TCF7L1: variants seen among roughly 807,000 people sequenced by gnomAD.
TCF7L1 encodes the protein transcription factor 7 like 1.
A neutral mutation model predicts 63.7 loss-of-function variants in TCF7L1; 18 were observed. That is an observed-to-expected ratio of 0.28 (90% CI 0.20 to 0.42). The LOEUF (loss-of-function observed/expected upper bound fraction) is 0.42, where lower values mean the gene tolerates loss of function less well. Among genes scored for constraint, TCF7L1 ranks in the 10% least tolerant of loss-of-function variants. The pLI, the probability that TCF7L1 is intolerant of heterozygous loss-of-function variation, is 1.00. For missense variants in TCF7L1, 654 were observed against 779.3 expected, an observed-to-expected ratio of 0.84 and a Z score of 1.91; for synonymous variants, 355 against 340.9, an observed-to-expected ratio of 1.04 and a Z score of -0.46.
chr2:85,290,766 G>T (rs776853722), intron 4 of TCF7L1, among the ~76,000 whole-genome samples: 2 of 152,228 alleles, frequency 1.3e-5, no homozygotes, highest in East Asian at 3.8e-4. Context: ...TAAGCTGGCA[G>T]GCTGGAGACT....
chr2:85,223,240 C>A (rs1429482455), intron 3 of TCF7L1, among the ~76,000 whole-genome samples: 1 of 152,168 alleles, frequency 6.6e-6, no homozygotes, highest in Non-Finnish European at 1.5e-5. Flanking sequence ...TGCCATCACG[C>A]CCTGCTAATT....
At chr2:85,185,164 G>A (rs1023703844) in intron 3 of TCF7L1, among the ~76,000 whole-genome samples, 1 of 152,166 alleles carries the variant, frequency 6.6e-6, no homozygotes, top group African/African-American at 2.4e-5. Flanking sequence ...CTTCAGGAGA[G>A]TGTGCCCTAG....
At chr2:85,239,972 A>G (rs74508794) in intron 3 of TCF7L1, among the ~76,000 whole-genome samples, 1 of 151,692 alleles carries the variant, frequency 6.6e-6, no homozygotes, top group Non-Finnish European at 1.5e-5. Context: ...CAAAAAAAAA[A>G]CAAGAATGAA....
chr2:85,237,986 G>A (rs1462842676), intron 3 of TCF7L1, among the ~76,000 whole-genome samples: 1 of 152,148 alleles, frequency 6.6e-6, no homozygotes, highest in Admixed American at 6.5e-5. Flanking sequence ...CCAACAGGTG[G>A]TGGCATTCCA....
chr2:85,213,711 T>C (rs1168080756), intron 3 of TCF7L1: 1 of 152,118 alleles, frequency 6.6e-6, no homozygotes, highest in Admixed American at 6.5e-5. Flanking sequence ...GTACTGCGCT[T>C]TTGGGTGAGG....
intron 3 of TCF7L1, among the ~76,000 whole-genome samples, chr2:85,172,990 G>T (rs567242722): frequency 1.3e-5 from 2 of 152,294 alleles, no homozygotes; most frequent in Admixed American, 6.5e-5. Context: ...CCCAGCACCC[G>T]GACAGTGTCA....
intron 3 of TCF7L1, among the ~76,000 whole-genome samples, chr2:85,245,776 C>T (rs1680448902): frequency 6.6e-6 from 1 of 151,428 alleles, no homozygotes; most frequent in Non-Finnish European, 1.5e-5. Flanking sequence ...GATCGCACCA[C>T]TGCATTCCGG....
rs1397392135 is a variant in TCF7L1 at position 85,134,582 on chromosome 2, A to C, written c.441+132A>C. On this transcript the variant is annotated intron_variant, in intron 3 of 11. Transcript: ENST00000282111. This position sits in a 1 kb window ranked among gnomAD's most constrained non-coding sequence, Gnocchi z 5.0. Reference sequence around the variant, plus strand: ...AAGCAGAACTTGTTTGCGGAGTTGAACTACTCTCTGGCGGCCGAGCGCGAG... The same window carrying C: ...AAGCAGAACTTGTTTGCGGAGTTGACCTACTCTCTGGCGGCCGAGCGCGAG... 3 of 1,302,180 alleles carry C rather than the reference A, an allele frequency of 2.3e-6. No homozygotes were observed. Among genetic ancestry groups the C allele is most frequent in the Non-Finnish European group, 3.1e-6 (3 of 975,764 alleles). 80.7% of individuals were successfully genotyped at this position (1,302,180 alleles called of 1,614,324 possible).
At chr2:85,240,323 G>C (rs1680294520) in intron 3 of TCF7L1, among the ~76,000 whole-genome samples, 1 of 152,270 alleles carries the variant, frequency 6.6e-6, no homozygotes, top group African/African-American at 2.4e-5. Context: ...GGGGACTGCT[G>C]TGGAGATGAA....
chr2:85,220,488 T>G lies in TCF7L1; in HGVS notation c.442-63007T>G, dbSNP rs534114317. Among the ~76,000 whole-genome samples the G allele has an allele frequency of 7.9e-5, 12 of 152,148 alleles. No individual in the cohort carries two copies. In the South Asian group the frequency reaches 2.5e-3, roughly 32 times the overall value. On this transcript the variant is annotated intron_variant, in intron 3 of 11. Coordinates refer to ENST00000282111, the MANE Select transcript of TCF7L1 (RefSeq NM_031283.3). ...TGAAGCGATTCTCCTGCCTCAGCCT[T>G]CCGAGCAGCTTGGACTACAGGCACG...
chr2:85,184,793 C>T (rs938396948), intron 3 of TCF7L1, among the ~76,000 whole-genome samples: 1 of 152,182 alleles, frequency 6.6e-6, no homozygotes, highest in South Asian at 2.1e-4. Context: ...GGGAAACTAA[C>T]GGCTGTGCTC....
At chr2:85,208,574 A>G (rs72840143) in intron 3 of TCF7L1, among the ~76,000 whole-genome samples, 7,016 of 151,944 alleles carry the variant, frequency 0.046, 183 homozygotes, top group Middle Eastern at 0.054. Flanking sequence ...CTAAATTCTC[A>G]CCATTCCATG....
chr2:85,268,402 A>C (rs1194695520), intron 3 of TCF7L1, among the ~76,000 whole-genome samples: 1 of 152,092 alleles, frequency 6.6e-6, no homozygotes, highest in Admixed American at 6.5e-5. Flanking sequence ...ATAGTCATCA[A>C]GCACCTCTCA....
intron 3 of TCF7L1, among the ~76,000 whole-genome samples, chr2:85,194,452 A>G (rs1187450961): frequency 1.3e-5 from 2 of 152,140 alleles, no homozygotes; most frequent in Non-Finnish European, 2.9e-5. Flanking sequence ...TCAGGCTGAT[A>G]ATGAGCCAAG....
intron 8 of TCF7L1, 83 bp downstream of exon 8, chr2:85,305,486 G>C (rs1682085612): frequency 6.8e-7 from 1 of 1,479,248 alleles, no homozygotes; most frequent in Non-Finnish European, 9.0e-7. Flanking sequence ...CAAATGTCAT[G>C]TACTCTTCTC....
intron 3 of TCF7L1, among the ~76,000 whole-genome samples, chr2:85,194,032 G>C (rs1679094738): frequency 6.6e-6 from 1 of 152,016 alleles, no homozygotes; most frequent in South Asian, 2.1e-4. Context: ...GATGGGAGAG[G>C]GGCTATGGGA....
intron 3 of TCF7L1, among the ~76,000 whole-genome samples, chr2:85,165,025 G>A (rs967129468): frequency 3.3e-5 from 5 of 152,184 alleles, no homozygotes; most frequent in African/African-American, 1.2e-4. Flanking sequence ...GCAATGCTGT[G>A]TATTTAATTT....
chr2:85,211,281 A>G (rs1429645166), intron 3 of TCF7L1, among the ~76,000 whole-genome samples: 1 of 152,226 alleles, frequency 6.6e-6, no homozygotes, highest in African/African-American at 2.4e-5. Context: ...CAATATGTAC[A>G]TCAGTTCTCT....
chr2:85,183,103 C>G (rs1344260428), intron 3 of TCF7L1, among the ~76,000 whole-genome samples: 1 of 152,092 alleles, frequency 6.6e-6, no homozygotes, highest in African/African-American at 2.4e-5. Context: ...TTTGTGCACC[C>G]AGGAGGAAAA....
Sources: allele counts gnomAD v4.1 joint callset (sites outside exome capture counted in the v4.1 genomes callset), GRCh38; gene constraint gnomAD v4.1.1; non-coding constraint Gnocchi (gnomAD v3.1); transcripts MANE v1.5; gene names NCBI Gene and HGNC (gene_info 2026-07-23, HGNC 2026-07-21).